ESR1: variants seen among roughly 807,000 people sequenced by gnomAD.
ESR1 encodes estrogen receptor.
A neutral mutation model predicts 52.7 loss-of-function variants in ESR1; 12 were observed. That is an observed-to-expected ratio of 0.23 (90% CI 0.15 to 0.37). The LOEUF (loss-of-function observed/expected upper bound fraction) is 0.37. Among genes scored for constraint, ESR1 ranks in the 10% least tolerant of loss-of-function variants. The probability of loss-of-function intolerance (pLI) is 1.00; values close to 1 mark genes in which losing one functional copy is unlikely to be tolerated. For missense variants in ESR1, 584 were observed against 779.7 expected (o/e 0.75, Z 2.99); for synonymous variants, 305 against 316.8 (o/e 0.96, Z 0.39).
chr6:152,077,370 A>G (rs9479200), intron 6 of ESR1, among the ~76,000 whole-genome samples: 32,106 of 152,076 alleles, frequency 0.21, 4,787 homozygotes, highest in African/African-American at 0.41. Flanking sequence ...TTTGCTGCAG[A>G]GGTGGGGCCC....
In ESR1 at chr6:151,850,071, T is replaced by TTATTTTATATGC. The variant is rs1236090356; in HGVS notation, c.643+7284_643+7285insTATTTTATATGC. Reference sequence around the variant, plus strand: ...TTATATATATATAATTTTATATATATATAAAAAATTATATATATATAATTT... The same window carrying TTATTTTATATGC: ...TTATATATATATAATTTTATATATATTATTTTATATGCATAAAAAATTATATATATATAATTT... On this transcript the variant is annotated intron_variant, in intron 2 of 7. Coordinates refer to ENST00000206249, the MANE Select transcript of ESR1 (RefSeq NM_000125.4). Among the ~76,000 whole-genome samples, 635 of 94,550 alleles carry TTATTTTATATGC rather than the reference T, an allele frequency of 6.7e-3. 3 individuals carry two copies. Among genetic ancestry groups the TTATTTTATATGC allele is most frequent in the Non-Finnish European group, 9.7e-3 (458 of 47,226 alleles). 62.0% of individuals were successfully genotyped at this position (94,550 alleles called of 152,430 possible). A position where few individuals can be genotyped will look rare whatever the true frequency, so the allele number is the denominator to read the frequency against.
chr6:151,804,309 T>C (rs488133), upstream of ESR1: 116,898 of 152,098 alleles, frequency 0.77, 46,037 homozygotes, highest in African/African-American at 0.94. Context: ...AGGAGACAGC[T>C]AACCTTCTTA....
intron 3 of ESR1, among the ~76,000 whole-genome samples, 178 bp downstream of exon 3, chr6:151,880,949 G>A (rs1792810383): frequency 1.3e-5 from 2 of 152,064 alleles, no homozygotes; most frequent in South Asian, 4.1e-4. Flanking sequence ...TTTTAAAAAG[G>A]TGGAAGTGTC....
chr6:152,035,225 A>C (rs968843994), intron 5 of ESR1, among the ~76,000 whole-genome samples: 2 of 152,012 alleles, frequency 1.3e-5, no homozygotes, highest in African/African-American at 4.8e-5. Flanking sequence ...AGGGCTAGTT[A>C]ATCAATATAC....
At chr6:151,690,292 A>G (rs1262303973), upstream of ESR1, among the ~76,000 whole-genome samples, 1 of 152,214 alleles carries the variant, frequency 6.6e-6, no homozygotes, top group African/African-American at 2.4e-5. Flanking sequence ...GCTGGATGGC[A>G]TAAAAAATAT....
At chr6:151,891,462 G>A (rs745829566) in intron 3 of ESR1, among the ~76,000 whole-genome samples, 3 of 152,184 alleles carry the variant, frequency 2.0e-5, no homozygotes, top group Non-Finnish European at 4.4e-5. Flanking sequence ...AATTCTGTAA[G>A]TCCCCAGGAA....
At chr6:152,108,538 G>A (rs1441112751) in intron 6 of ESR1, among the ~76,000 whole-genome samples, 1 of 152,180 alleles carries the variant, frequency 6.6e-6, no homozygotes, top group African/African-American at 2.4e-5. Flanking sequence ...AGCCATAGCT[G>A]GGGATCTCAC....
At chr6:151,930,295 T>C (rs2033402558) in intron 3 of ESR1, among the ~76,000 whole-genome samples, 1 of 152,174 alleles carries the variant, frequency 6.6e-6, no homozygotes, top group Non-Finnish European at 1.5e-5. Flanking sequence ...TAACTATACT[T>C]CTTTAAAGAA....
intron 2 of ESR1, among the ~76,000 whole-genome samples, chr6:151,763,492 C>T (rs903081261): frequency 1.3e-5 from 2 of 152,248 alleles, no homozygotes; most frequent in African/African-American, 2.4e-5. Context: ...TTTTGATGTG[C>T]GTACATATGT....
intron 2 of ESR1, among the ~76,000 whole-genome samples, chr6:151,726,933 C>T (rs1193424161): frequency 6.6e-6 from 1 of 152,066 alleles, no homozygotes; most frequent in Non-Finnish European, 1.5e-5. Context: ...TTTTCTCACT[C>T]CTGATCGCAG....
At chr6:151,710,436 C>A (rs1780511440) in intron 2 of ESR1, among the ~76,000 whole-genome samples, 2 of 151,934 alleles carry the variant, frequency 1.3e-5, no homozygotes, top group South Asian at 4.2e-4. Flanking sequence ...ATATAACAAA[C>A]CCGAACCAAC....
intron 1 of ESR1, among the ~76,000 whole-genome samples, chr6:151,672,439 C>T (rs796176389): frequency 5.9e-5 from 9 of 152,002 alleles, no homozygotes; most frequent in African/African-American, 9.7e-5. Context: ...CAGGTTCCAG[C>T]GATTCTCCTG....
intron 1 of ESR1, among the ~76,000 whole-genome samples, chr6:151,815,721 C>T (rs1239183033): frequency 5.3e-5 from 8 of 152,172 alleles, no homozygotes; most frequent in Admixed American, 1.3e-4. Context: ...TTGTAACCTT[C>T]GAGTCAACAC....
chr6:151,830,561 A>G (rs997965084), intron 1 of ESR1, among the ~76,000 whole-genome samples: 25 of 152,056 alleles, frequency 1.6e-4, no homozygotes, highest in African/African-American at 5.8e-4. Context: ...TCTTTCTTGT[A>G]TCTTTGGGTT....
At chr6:151,755,913 G>C (rs1299978734) in intron 2 of ESR1, among the ~76,000 whole-genome samples, 8 of 152,050 alleles carry the variant, frequency 5.3e-5, no homozygotes, top group African/African-American at 1.2e-4. Flanking sequence ...TTACAGGTGT[G>C]AGCCACCGCG....
intron 1 of ESR1, among the ~76,000 whole-genome samples, chr6:151,672,752 C>T (rs1267404794): frequency 1.3e-5 from 2 of 148,344 alleles, no homozygotes; most frequent in Non-Finnish European, 1.5e-5. Flanking sequence ...GGATTACAGG[C>T]GTGAGCCACC....
intron 2 of ESR1, among the ~76,000 whole-genome samples, chr6:151,774,085 A>C (rs1344844112): frequency 6.6e-6 from 1 of 152,218 alleles, no homozygotes; most frequent in African/African-American, 2.4e-5. Context: ...ATTGTATGGC[A>C]CATTGTCATT....
chr6:151,742,709 T>C (rs188281707), intron 2 of ESR1, among the ~76,000 whole-genome samples: 1 of 152,350 alleles, frequency 6.6e-6, no homozygotes, highest in African/African-American at 2.4e-5. Flanking sequence ...TTCAGCTTAA[T>C]AGAATCATCA....
chr6:151,915,982 A>G (rs2030050084), intron 3 of ESR1, among the ~76,000 whole-genome samples: 1 of 152,214 alleles, frequency 6.6e-6, no homozygotes, highest in Non-Finnish European at 1.5e-5. Context: ...CTTGTTTGAG[A>G]TATTTTCAAT....
Sources: allele counts gnomAD v4.1 joint callset (sites outside exome capture counted in the v4.1 genomes callset), GRCh38; gene constraint gnomAD v4.1.1; transcripts MANE v1.5; gene names NCBI Gene and HGNC (gene_info 2026-07-23, HGNC 2026-07-21).